SELP: variants seen among roughly 807,000 people sequenced by gnomAD.
The protein encoded by SELP is P-selectin.
A neutral mutation model predicts 104.1 loss-of-function variants in SELP; 92 were observed. That is an observed-to-expected ratio of 0.88 (90% CI 0.75 to 1.05). The LOEUF is 1.05. Ranked by LOEUF, SELP falls within the 50% of genes least tolerant of loss-of-function variation. SELP has a pLI of 0.00. For missense variants in SELP, 1,022 were observed against 1,017.3 expected (o/e 1.00, Z -0.06); for synonymous variants, 397 against 364.5 (o/e 1.09, Z -1.01).
intron 9 of SELP, among the ~76,000 whole-genome samples, chr1:169,604,796 A>C (rs111620556): frequency 3.3e-5 from 5 of 152,026 alleles, no homozygotes; most frequent in African/African-American, 1.2e-4. Context: ...GTACCACAGA[A>C]CCCATTTCCA....
At chr1:169,612,124 G>T in intron 6 of SELP, 93 bp downstream of exon 6, 1 of 1,310,028 alleles carries the variant, frequency 7.6e-7, no homozygotes, top group Non-Finnish European at 1.1e-6. Flanking sequence ...GGCAATTCAG[G>T]CCAGCTTCTC....
At chr1:169,612,510 G>A (rs932732072) in intron 5 of SELP, 108 bp from the exon 6 acceptor site, 6 of 1,002,830 alleles carry the variant, frequency 6.0e-6, no homozygotes, top group Non-Finnish European at 9.1e-6. Context: ...GTGGCAGGCA[G>A]GTTGATGCAC....
intron 1 of SELP, among the ~76,000 whole-genome samples, chr1:169,625,296 A>C (rs1273128267): frequency 2.0e-5 from 3 of 152,148 alleles, no homozygotes; most frequent in Non-Finnish European, 4.4e-5. Context: ...ATGTTTGAGA[A>C]ACTTTTCTGA....
intron 1 of SELP, among the ~76,000 whole-genome samples, chr1:169,624,907 G>A (rs531486835): frequency 6.6e-6 from 1 of 152,218 alleles, no homozygotes; most frequent in African/African-American, 2.4e-5. Flanking sequence ...GGCTTACAAA[G>A]TTGGCAAGAA....
intron 8 of SELP, among the ~76,000 whole-genome samples, chr1:169,608,724 T>C (rs893016569): frequency 2.6e-5 from 4 of 152,156 alleles, no homozygotes; most frequent in Non-Finnish European, 5.9e-5. Context: ...TGCCTCATTT[T>C]AAAATCAAGG....
At chr1:169,630,025 C>T (rs566759583) in intron 1 of SELP, 47 bp downstream of exon 1, 1 of 1,613,752 alleles carries the variant, frequency 6.2e-7, no homozygotes, top group Non-Finnish European at 8.5e-7. Context: ...CTCCATACCA[C>T]TCCAACTCAC....
chr1:169,613,452 G>A, intron 4 of SELP, 134 bp downstream of exon 4: 1 of 697,810 alleles, frequency 1.4e-6, no homozygotes, highest in Non-Finnish European at 2.6e-6. Context: ...GGGACACTGA[G>A]TGGAGGAGAC....
chr1:169,609,575 A>C lies in SELP; in HGVS notation c.1262T>G (p.Met421Arg). ...NCSFRCAEGF[M>R]LRGADIVRCD... ...CCGAACTATATCGGCTCCTCTCAGC[A>C]TGAAACCTTCAGCACAGCGGAAGCT... Residue 421 changes from methionine (M) to arginine (R), a missense_variant, in exon 8 of 17, where the codon ATG (methionine) becomes AGG (arginine). By Grantham distance (91) the Met-to-Arg change is moderately conservative. Transcript: ENST00000263686. 6.2e-7 allele frequency: 1 copy of C among 1,614,108 alleles called. No individual in the cohort carries two copies. The highest frequency in any genetic ancestry group is 8.5e-7 in the Non-Finnish European group (1 of 1,179,984).
At position 169,603,296 on chromosome 1, in the gene SELP, C is replaced by CCTCT. The variant is rs567375798; in HGVS notation, c.1520-89_1520-86dup. Reference sequence around the variant, plus strand: ...CTCTGTAACTCTCTCTCTCTTTCTCCCTCTCTCTCTCTGTGTGTGTGTGTG... The same window carrying CCTCT: ...CTCTGTAACTCTCTCTCTCTTTCTCCCTCTCTCTCTCTCTCTGTGTGTGTGTGTG... On this transcript the variant is annotated intron_variant, in intron 9 of 16. Transcript: ENST00000263686. 1,397 of 675,966 alleles carry CCTCT rather than the reference C, an allele frequency of 2.1e-3. 56 individuals are homozygous for CCTCT. Among genetic ancestry groups the CCTCT allele is most frequent in the African/African-American group, 0.016 (713 of 43,270 alleles). The allele number at this position is 675,966 out of a possible 1,614,324, so 41.9% of individuals were successfully genotyped here. A position where few individuals can be genotyped will look rare whatever the true frequency, so the allele number is the denominator to read the frequency against.
rs140522027 is a variant in SELP, at chr1:169,597,098, C to G, written c.1784G>C (p.Gly595Ala). Residue 595 changes from glycine (G) to alanine (A), a missense_variant, in exon 11 of 17, where the codon GGC (glycine) becomes GCC (alanine). By Grantham distance (60) the Gly-to-Ala change is moderately conservative (BLOSUM62 0). Transcript: ENST00000263686. ...GTCACAAGAGAAATGGCAGGTGGAGCCAACATTGAATTCTCCACGAGTGTC... is the reference window on the plus strand; with the variant it reads ...GTCACAAGAGAAATGGCAGGTGGAGGCAACATTGAATTCTCCACGAGTGTC... The part of the protein sequence containing the change: ...CSDTRGEFNV[G>A]STCHFSCDNG... The G allele has an allele frequency of 1.9e-6, 3 of 1,613,134 alleles. No individual in the cohort carries two copies. Among genetic ancestry groups the G allele is most frequent in the Non-Finnish European group, 2.5e-6 (3 of 1,179,580 alleles).
chr1:169,617,221 C>G lies in SELP; in HGVS notation c.288G>C (p.Lys96Asn). The G allele has an allele frequency of 6.2e-7, 1 of 1,614,078 alleles. No homozygotes were observed. The highest frequency in any genetic ancestry group is 8.5e-7 in the Non-Finnish European group (1 of 1,180,008). Residue 96 changes from lysine to asparagine, a missense_variant, in exon 3 of 17, where the codon AAG becomes AAC. Physicochemically the swap from Lys to Asn is moderately conservative, Grantham distance 94. Transcript: ENST00000263686. ...CCACCCATGTCCATGTCTTATTGTT[C>G]TTTCGGATCCCAATCCAGTAGTAGG... ...YSSYYWIGIR[K>N]NNKTWTWVGT...
At chr1:169,625,528 CAT>C (rs1423479060) in intron 1 of SELP, among the ~76,000 whole-genome samples, 15 of 152,226 alleles carry the variant, frequency 9.9e-5, no homozygotes, top group East Asian at 3.8e-4. Flanking sequence ...GCGCAACAAA[CAT>C]GTGAGCATAC....
chr1:169,617,384 C>T lies in SELP; in HGVS notation c.125G>A (p.Trp42Ter). 1 of 1,613,978 alleles carries T rather than the reference C, an allele frequency of 6.2e-7. No homozygotes were observed. Among genetic ancestry groups the T allele is most frequent in the Non-Finnish European group, 8.5e-7 (1 of 1,179,946 alleles). Residue 42 changes from tryptophan (W) to a stop codon, truncating the protein, a stop_gained, in exon 3 of 17, where the codon TGG becomes TAG. Coordinates refer to ENST00000263686, the MANE Select transcript of SELP (RefSeq NM_003005.4). LOFTEE classifies it high-confidence loss of function. ...ELTNQKEVAAWTYHYSTKAYS... is the reference protein window; with the variant it reads ...ELTNQKEVAA ...TGCTTTTGTGCTGTAATGATAAGTC[C>T]ATGCTGCCACTTCTTTCTGGTTTGT... is the stretch of plus-strand genomic sequence containing the variant.
chr1:169,609,715 G>A, intron 7 of SELP, 26 bp from the exon 8 acceptor site: 1 of 1,585,404 alleles, frequency 6.3e-7, no homozygotes, highest in Non-Finnish European at 8.6e-7. Flanking sequence ...ATCTTCTAAA[G>A]CCAGGTAATG....
chr1:169,597,932 C>T (rs1419596516), intron 10 of SELP, among the ~76,000 whole-genome samples: 1 of 152,140 alleles, frequency 6.6e-6, no homozygotes, highest in Non-Finnish European at 1.5e-5. Context: ...GAACTCTTCT[C>T]CTCTGAATTC....
chr1:169,597,971 G>C (rs370672796), intron 10 of SELP, among the ~76,000 whole-genome samples: 7 of 152,276 alleles, frequency 4.6e-5, no homozygotes, highest in African/African-American at 1.7e-4. Context: ...CTGATGTGCT[G>C]TCATGTCCCA....
chr1:169,594,677 A>C lies in SELP; in HGVS notation c.2287+15T>G. 6.2e-7 allele frequency: 1 copy of C among 1,610,052 alleles called. No homozygotes were observed. The highest frequency in any genetic ancestry group is 8.5e-7 in the Non-Finnish European group (1 of 1,177,174). ...CCACATCAAAGTGACTTCTTAACCC[A>C]CATGAAAATTGTACCTTGGCAGGTT... On this transcript the variant is annotated intron_variant, in intron 13 of 16. Transcript: ENST00000263686.
intron 1 of SELP, among the ~76,000 whole-genome samples, chr1:169,628,037 A>T (rs1663463657): frequency 6.6e-6 from 1 of 152,224 alleles, no homozygotes; most frequent in South Asian, 2.1e-4. Flanking sequence ...CTGGGATTAC[A>T]GGCACATGCC....
chr1:169,613,475 G>T, intron 4 of SELP, 111 bp downstream of exon 4: 1 of 783,586 alleles, frequency 1.3e-6, no homozygotes. Flanking sequence ...ATGATAGAGG[G>T]GGGCTGGTAC....
Sources: allele counts gnomAD v4.1 joint callset (sites outside exome capture counted in the v4.1 genomes callset), GRCh38; gene constraint gnomAD v4.1.1; transcripts MANE v1.5; gene names NCBI Gene and HGNC (gene_info 2026-07-23, HGNC 2026-07-21).